CDH12: variants seen among roughly 807,000 people sequenced by gnomAD.
CDH12 encodes cadherin-12.
A neutral mutation model predicts 74.1 loss-of-function variants in CDH12; 41 were observed. The observed-to-expected ratio is 0.55, with a 90% CI of 0.43 to 0.72. The LOEUF (loss-of-function observed/expected upper bound fraction) is 0.72, where lower values mean the gene tolerates loss of function less well. CDH12 is among the 30% of genes least tolerant of loss of function. CDH12 has a pLI of 0.00. For missense variants in CDH12, 945 were observed against 977.2 expected (o/e 0.97, Z 0.44); for synonymous variants, 399 against 355.0 (o/e 1.12, Z -1.39).
chr5:22,576,175 T>C (rs1739778928), intron 1 of CDH12, among the ~76,000 whole-genome samples: 1 of 152,202 alleles, frequency 6.6e-6, no homozygotes. Flanking sequence ...TCTTGAACCC[T>C]GCTTCATTCA....
chr5:22,599,176 C>A (rs1028969279), intron 1 of CDH12, among the ~76,000 whole-genome samples: 1 of 152,174 alleles, frequency 6.6e-6, no homozygotes, highest in Non-Finnish European at 1.5e-5. Context: ...GAACATGTCT[C>A]TCTTAAAGCA....
chr5:22,471,974 A>G (rs577177274), intron 2 of CDH12, among the ~76,000 whole-genome samples: 1 of 152,286 alleles, frequency 6.6e-6, no homozygotes, highest in Admixed American at 6.5e-5. Context: ...ATTTATAGTC[A>G]AGGAGAACAG....
chr5:21,940,565 C>T (rs2150089652), intron 6 of CDH12, among the ~76,000 whole-genome samples: 1 of 152,292 alleles, frequency 6.6e-6, no homozygotes, highest in East Asian at 1.9e-4. Flanking sequence ...CCACCAAACA[C>T]ACATATGGAC....
chr5:22,522,149 G>A (rs1233723254), intron 1 of CDH12, among the ~76,000 whole-genome samples: 1 of 152,106 alleles, frequency 6.6e-6, no homozygotes, highest in Non-Finnish European at 1.5e-5. Context: ...ATTTGAAGAT[G>A]ACTAAGTATT....
At chr5:22,524,394 C>T (rs560200132) in intron 1 of CDH12, among the ~76,000 whole-genome samples, 25 of 152,226 alleles carry the variant, frequency 1.6e-4, no homozygotes, top group African/African-American at 5.5e-4. Flanking sequence ...GGATATAATC[C>T]CTTTCCCTTT....
At chr5:22,690,961 A>T (rs977801885) in intron 1 of CDH12, among the ~76,000 whole-genome samples, 1 of 152,176 alleles carries the variant, frequency 6.6e-6, no homozygotes, top group Non-Finnish European at 1.5e-5. Flanking sequence ...AACCAAACCC[A>T]ATACCACAGA....
chr5:22,561,643 T>C (rs906036289), intron 1 of CDH12, among the ~76,000 whole-genome samples: 1 of 152,058 alleles, frequency 6.6e-6, no homozygotes, highest in Non-Finnish European at 1.5e-5. Context: ...ACTTTCAACT[T>C]TGTGTTAAGT....
intron 8 of CDH12, among the ~76,000 whole-genome samples, chr5:21,834,751 C>T (rs114839137): frequency 0.014 from 2,199 of 152,044 alleles, 33 homozygotes; most frequent in Non-Finnish European, 0.024. Context: ...GTAGTCAAAA[C>T]TTCTTTATTA....
At chr5:21,860,352 G>A (rs139103824) in intron 6 of CDH12, among the ~76,000 whole-genome samples, 160 of 152,114 alleles carry the variant, frequency 1.1e-3, no homozygotes, top group South Asian at 4.8e-3. Flanking sequence ...TATTAAGTTA[G>A]GTGTAATTAT....
At chr5:22,595,362 T>C (rs528450901) in intron 1 of CDH12, among the ~76,000 whole-genome samples, 1 of 152,182 alleles carries the variant, frequency 6.6e-6, no homozygotes, top group Admixed American at 6.5e-5. Context: ...TATTTTGGCA[T>C]ATGATTTCAA....
At chr5:22,516,210 T>C (rs974448227) in intron 1 of CDH12, among the ~76,000 whole-genome samples, 3 of 152,092 alleles carry the variant, frequency 2.0e-5, no homozygotes, top group African/African-American at 7.2e-5. Flanking sequence ...TGAATATTCA[T>C]ATAATACTGA....
chr5:22,518,541 G>T (rs1736901844), intron 1 of CDH12, among the ~76,000 whole-genome samples: 1 of 152,200 alleles, frequency 6.6e-6, no homozygotes, highest in African/African-American at 2.4e-5. Flanking sequence ...AAATGAGAAA[G>T]ATTATTGTTT....
At chr5:21,775,274 TA>T (rs1561173416) in intron 11 of CDH12, among the ~76,000 whole-genome samples, 1 of 152,228 alleles carries the variant, frequency 6.6e-6, no homozygotes, top group East Asian at 1.9e-4. Flanking sequence ...GTTAACTATA[TA>T]GTCACCCAGG....
intron 4 of CDH12, among the ~76,000 whole-genome samples, chr5:22,168,693 A>G (rs998459319): frequency 6.6e-6 from 1 of 151,636 alleles, no homozygotes; most frequent in African/African-American, 2.4e-5. Context: ...TCACATATGG[A>G]CACATATTAT....
intron 4 of CDH12, chr5:22,151,910 G>C (rs1188519550): frequency 6.6e-6 from 1 of 152,052 alleles, no homozygotes; most frequent in South Asian, 2.1e-4. Context: ...ATGACTCAAG[G>C]CTTTGAGAAT....
chr5:22,722,963 A>C (rs1403149887), intron 1 of CDH12, among the ~76,000 whole-genome samples: 1 of 152,168 alleles, frequency 6.6e-6, no homozygotes, highest in Non-Finnish European at 1.5e-5. Context: ...ACCCTAAATG[A>C]AGCTTCATTT....
intron 1 of CDH12, among the ~76,000 whole-genome samples, chr5:22,753,675 G>A (rs1487167459): frequency 1.3e-5 from 2 of 151,072 alleles, no homozygotes; most frequent in Non-Finnish European, 2.9e-5. Flanking sequence ...ATTTCAAAAA[G>A]ACAGAATGAA....
intron 6 of CDH12, among the ~76,000 whole-genome samples, chr5:21,911,880 A>G (rs895640728): frequency 5.3e-5 from 8 of 152,138 alleles, no homozygotes; most frequent in Non-Finnish European, 1.2e-4. Flanking sequence ...AAAAGTTTAT[A>G]ACATTTGTGA....
chr5:22,406,799 A>C (rs1320222751), intron 2 of CDH12, among the ~76,000 whole-genome samples: 3 of 152,092 alleles, frequency 2.0e-5, no homozygotes, highest in African/African-American at 4.8e-5. Context: ...TGAAAAGTAC[A>C]CTTAAAGGGA....
Sources: allele counts gnomAD v4.1 joint callset (sites outside exome capture counted in the v4.1 genomes callset), GRCh38; gene constraint gnomAD v4.1.1; transcripts MANE v1.5; gene names NCBI Gene and HGNC (gene_info 2026-07-23, HGNC 2026-07-21).